The following GTPBP10 variants were observed in gnomAD, a reference collection of about 807,000 sequenced individuals.
GTPBP10 encodes GTP-binding protein 10.
Under a neutral mutation model 44.8 loss-of-function variants are expected in GTPBP10, and 38 were observed. That is an observed-to-expected ratio of 0.85 (90% CI 0.65 to 1.11). The LOEUF is 1.11. Among genes scored for constraint, GTPBP10 ranks in the 50% most tolerant of loss-of-function variants. The probability of loss-of-function intolerance (pLI) is 0.00; values close to 1 mark genes in which losing one functional copy is unlikely to be tolerated. For synonymous variants in GTPBP10, 152 were observed against 150.6 expected (o/e 1.01, Z -0.07); for missense variants, 462 against 453.7 (o/e 1.02, Z -0.17).
chr7:90,384,591 T>G (rs1796490017), intron 9 of GTPBP10, among the ~76,000 whole-genome samples: 1 of 150,486 alleles, frequency 6.6e-6, no homozygotes, highest in South Asian at 2.1e-4. Flanking sequence ...CTTGCCTTAT[T>G]TAACCCCCCC....
intron 1 of GTPBP10, among the ~76,000 whole-genome samples, chr7:90,352,485 A>G (rs184979985): frequency 6.6e-6 from 1 of 152,376 alleles, no homozygotes; most frequent in East Asian, 1.9e-4. Flanking sequence ...CATAGAAAAT[A>G]TCTCACCTAG....
chr7:90,385,233 G>A lies in GTPBP10; in HGVS notation c.*79G>A. The A allele has an allele frequency of 9.7e-7, 1 of 1,026,542 alleles. No individual in the cohort carries two copies. The allele number at this position is 1,026,542 out of a possible 1,614,324, so 63.6% of individuals were successfully genotyped here. A position where few individuals can be genotyped will look rare whatever the true frequency, so the allele number is the denominator to read the frequency against. On this transcript the variant is annotated 3_prime_UTR_variant, in exon 10 of 10. Transcript: ENST00000222511. Reference sequence around the variant, plus strand: ...ATCCTTTCATCTGTGACAACCTGGAGGACATGTTAAGTAAAATAAGCCAGG... The same window carrying A: ...ATCCTTTCATCTGTGACAACCTGGAAGACATGTTAAGTAAAATAAGCCAGG...
At chr7:90,369,767 G>T (rs532926333) in intron 4 of GTPBP10, among the ~76,000 whole-genome samples, 1 of 152,262 alleles carries the variant, frequency 6.6e-6, no homozygotes, top group East Asian at 1.9e-4. Context: ...CCGATCCCTT[G>T]TGCTTCCCGG....
In GTPBP10 at chr7:90,385,493, A is replaced by C. The variant is rs1187622616; in HGVS notation, c.*339A>C. ...TTTTGAAAGTCACTGAGTAAATTTT[A>C]AGTGGTTTTTCCAAAAAAGCACATA... On this transcript the variant is annotated 3_prime_UTR_variant, in exon 10 of 10. Coordinates refer to ENST00000222511, the MANE Select transcript of GTPBP10 (RefSeq NM_033107.4). 2 of 174,156 alleles carry C rather than the reference A, an allele frequency of 1.1e-5. No individual in the cohort carries two copies. The highest frequency in any genetic ancestry group is 2.4e-5 in the Non-Finnish European group (2 of 82,620). The allele number at this position is 174,156 out of a possible 1,614,324, so 10.8% of individuals were successfully genotyped here. A position where few individuals can be genotyped will look rare whatever the true frequency, so the allele number is the denominator to read the frequency against.
intron 1 of GTPBP10, among the ~76,000 whole-genome samples, chr7:90,350,986 A>T (rs568855704): frequency 6.6e-6 from 1 of 152,302 alleles, no homozygotes; most frequent in East Asian, 1.9e-4. Flanking sequence ...ATGCAAGAGA[A>T]CTGTGAGAGA....
chr7:90,378,381 T>C, intron 8 of GTPBP10, 170 bp downstream of exon 8: 1 of 506,596 alleles, frequency 2.0e-6, no homozygotes, highest in Non-Finnish European at 2.5e-6. Flanking sequence ...CATTTGCTCC[T>C]CAAACTACTG....
At chr7:90,347,963 G>A (rs1294610812) in intron 1 of GTPBP10, among the ~76,000 whole-genome samples, 5 of 152,184 alleles carry the variant, frequency 3.3e-5, no homozygotes, top group Non-Finnish European at 4.4e-5. Context: ...CATGGTAGGT[G>A]AGCCTATTGT....
chr7:90,376,855 C>T (rs972876927), intron 6 of GTPBP10, among the ~76,000 whole-genome samples: 2 of 152,124 alleles, frequency 1.3e-5, no homozygotes, highest in Non-Finnish European at 2.9e-5. Context: ...TAGATTTTTA[C>T]GAATTTGGAG....
intron 6 of GTPBP10, 26 bp downstream of exon 6, chr7:90,374,380 A>C (rs11563547): frequency 0.19 from 268,423 of 1,439,284 alleles, 26,635 homozygotes; most frequent in Admixed American, 0.21. Flanking sequence ...GTAAAACACT[A>C]TATTAGAAGT....
At chr7:90,374,555 G>T (rs1796312489) in intron 6 of GTPBP10, among the ~76,000 whole-genome samples, 1 of 152,084 alleles carries the variant, frequency 6.6e-6, no homozygotes, top group East Asian at 1.9e-4. Context: ...CAAAGATTAG[G>T]TCCAGTTTAT....
chr7:90,377,051 C>A (rs17863079), intron 6 of GTPBP10, among the ~76,000 whole-genome samples: 3 of 152,112 alleles, frequency 2.0e-5, no homozygotes, highest in African/African-American at 2.4e-5. Context: ...TAGCGAGACC[C>A]TGTCTCTACT....
At chr7:90,364,335 T>C (rs535163683) in intron 4 of GTPBP10, among the ~76,000 whole-genome samples, 1 of 152,320 alleles carries the variant, frequency 6.6e-6, no homozygotes, top group African/African-American at 2.4e-5. Flanking sequence ...CCTTTCTGTT[T>C]GTTAGTTTTC....
In GTPBP10 at chr7:90,366,514, A is replaced by G. The variant is rs1456945201; in HGVS notation, c.465-5641A>G. Among the ~76,000 whole-genome samples, 7 of 152,216 alleles carry G rather than the reference A, an allele frequency of 4.6e-5. No homozygotes were observed. The South Asian group carries it at 1.0e-3, about 23-fold the overall frequency. ...TCCTGTTTTAGTCTTGGGAGCATGT[A>G]TGTGTCCAGGAATTTATCCATTTCT... On this transcript the variant is annotated intron_variant, in intron 4 of 9. Transcript: ENST00000222511.
rs764236991 is a variant in GTPBP10, at chr7:90,352,796, C to A, written c.34-20C>A. On this transcript the variant is annotated intron_variant, in intron 1 of 9. Coordinates refer to ENST00000222511, the MANE Select transcript of GTPBP10 (RefSeq NM_033107.4). ...GATACACTTTTGGTATACAAATATTCTTTCTCTTTTTTTTTTAAGTATGGA... is the reference window on the plus strand; with the variant it reads ...GATACACTTTTGGTATACAAATATTATTTCTCTTTTTTTTTTAAGTATGGA... 5.8e-6 allele frequency: 9 copies of A among 1,561,430 alleles called. No homozygotes were observed. The highest frequency in any genetic ancestry group is 7.8e-6 in the Non-Finnish European group (9 of 1,150,604).
intron 3 of GTPBP10, 112 bp downstream of exon 3, chr7:90,354,661 A>T: frequency 1.7e-6 from 1 of 585,654 alleles, no homozygotes; most frequent in East Asian, 3.1e-5. Context: ...AATTTTAGCT[A>T]CTATTCTATA....
intron 5 of GTPBP10, 87 bp downstream of exon 5, chr7:90,372,315 T>C (rs1796272286): frequency 1.0e-6 from 1 of 952,924 alleles, no homozygotes; most frequent in African/African-American, 1.6e-5. Context: ...AAATGATAAC[T>C]CGGAGGGTAT....
chr7:90,361,977 T>C (rs1158892870), intron 4 of GTPBP10, among the ~76,000 whole-genome samples: 1 of 152,214 alleles, frequency 6.6e-6, no homozygotes, highest in East Asian at 1.9e-4. Context: ...AGTGGTGATA[T>C]CCCCTTTATA....
chr7:90,379,109 C>T (rs895857505), intron 8 of GTPBP10, among the ~76,000 whole-genome samples: 1 of 152,150 alleles, frequency 6.6e-6, no homozygotes, highest in African/African-American at 2.4e-5. Flanking sequence ...AAAAACTTTT[C>T]GGCCATCCCC....
At chr7:90,351,724 C>G (rs535812072) in intron 1 of GTPBP10, among the ~76,000 whole-genome samples, 222 of 151,956 alleles carry the variant, frequency 1.5e-3, no homozygotes, top group Middle Eastern at 3.4e-3. Context: ...GAGACGGAGT[C>G]TCGCTCTGTC....
Sources: allele counts gnomAD v4.1 joint callset (sites outside exome capture counted in the v4.1 genomes callset), GRCh38; gene constraint gnomAD v4.1.1; transcripts MANE v1.5; gene names NCBI Gene and HGNC (gene_info 2026-07-23, HGNC 2026-07-21).